Variants in SALL4 observed in about 807,000 individuals in gnomAD.
SALL4 encodes the protein sal-like protein 4.
In SALL4, 4 loss-of-function variants were observed where a neutral mutation model predicts 60.8. The observed-to-expected ratio is 0.07, with a 90% CI of 0.03 to 0.15. The LOEUF (loss-of-function observed/expected upper bound fraction) is 0.15. SALL4 is among the 10% of genes least tolerant of loss of function. The pLI, the probability that SALL4 is intolerant of heterozygous loss-of-function variation, is 1.00. For missense variants in SALL4, 1,178 were observed against 1,394.7 expected (o/e 0.84, Z 2.48); for synonymous variants, 580 against 574.9 (o/e 1.01, Z -0.13).
At chr20:51,789,269 A>G in intron 2 of SALL4, 128 bp from the exon 3 acceptor site, 1 of 940,036 alleles carries the variant, frequency 1.1e-6, no homozygotes. Flanking sequence ...TTTGTAAGTA[A>G]TTAACACCTT....
chr20:51,793,016 C>A, intron 1 of SALL4: 5 of 978,384 alleles, frequency 5.1e-6, no homozygotes, highest in Non-Finnish European at 6.1e-6. Context: ...CACGAGCATA[C>A]AATGATCTAG....
chr20:51,785,340 GTGATT>G (rs1280448108), intron 3 of SALL4, among the ~76,000 whole-genome samples: 4 of 152,272 alleles, frequency 2.6e-5, no homozygotes, highest in African/African-American at 9.6e-5. Context: ...CATAGCTCAT[GTGATT>G]GAGCATGTAC....
chr20:51,792,048 C>A lies in SALL4; in HGVS notation c.435G>T (p.Glu145Asp). The A allele has an allele frequency of 6.2e-7, 1 of 1,614,196 alleles. No homozygotes were observed. The highest frequency in any genetic ancestry group is 8.5e-7 in the Non-Finnish European group (1 of 1,180,044). The change falls in exon 2 of 4, where the codon GAG (glutamate) becomes GAT (aspartate). Residue 145 changes from glutamate (E) to aspartate (D), a missense_variant. Glu to Asp is a conservative substitution (Grantham distance 45, BLOSUM62 2). Around this residue, in one of 5 missense-constraint regions of SALL4, gnomAD observed 853 missense variants for 1,036.8 expected, o/e 0.82. Transcript: ENST00000217086. ...ACACCACAGACTCCGCATCCGGCTTCTCCTTCATGTCCTCTGAGCTGCCGC... is the reference window on the plus strand; with the variant it reads ...ACACCACAGACTCCGCATCCGGCTTATCCTTCATGTCCTCTGAGCTGCCGC... ...ENGGSSEDMK[E>D]KPDAESVVYL... is the part of the protein sequence containing the mutation.
rs2078005013 is a variant in SALL4 at position 51,788,039 on chromosome 20, G to A, written c.2742+822C>T. 6.6e-6 allele frequency among the ~76,000 whole-genome samples: 1 copy of A among 152,060 alleles called. No homozygotes were observed. Among genetic ancestry groups the A allele is most frequent in the Admixed American group, 6.6e-5 (1 of 15,262 alleles). On this transcript the variant is annotated intron_variant, in intron 3 of 3. Coordinates refer to ENST00000217086, the MANE Select transcript of SALL4 (RefSeq NM_020436.5). This position sits in a 1 kb window ranked among gnomAD's most constrained non-coding sequence, Gnocchi z 4.1. ...GGGTCTCCTTATGTTACCCAGGCTG[G>A]TCTCAAACTCCTGGGCTCAAGCAAT...
At chr20:51,797,365 G>C (rs2078084946) in intron 1 of SALL4, 1 of 152,024 alleles carries the variant, frequency 6.6e-6, no homozygotes, top group East Asian at 1.9e-4. Context: ...GCACAAAAAA[G>C]GTTAAGCTCC....
At chr20:51,790,000 G>A (rs1204004427) in intron 2 of SALL4, 22 bp downstream of exon 2, 8 of 1,613,982 alleles carry the variant, frequency 5.0e-6, no homozygotes, top group East Asian at 2.2e-5. Flanking sequence ...ATGGACATAA[G>A]TTAAATCCAA....
At chr20:51,799,027 C>A (rs1281015546) in intron 1 of SALL4, among the ~76,000 whole-genome samples, 1 of 152,120 alleles carries the variant, frequency 6.6e-6, no homozygotes, top group Non-Finnish European at 1.5e-5. Flanking sequence ...TCTTTAATAT[C>A]TTGAATTAAA....
chr20:51,802,086 A>G (rs1010164054), intron 1 of SALL4, among the ~76,000 whole-genome samples, 193 bp downstream of exon 1: 1 of 151,854 alleles, frequency 6.6e-6, no homozygotes, highest in Non-Finnish European at 1.5e-5. Context: ...GAGAAGAGGA[A>G]AAAAGTGTGA....
Position 51,790,564 on chromosome 20 carries a change from A to G in SALL4, c.1919T>C (p.Met640Thr). ...GTGCATCCGAATATGTTGCTGCAGC[A>G]TCACGGCATTAGTGAACTTCTTCTG... Reference protein sequence around the residue: ...ICQKKFTNAVMLQQHIRMHMG... With the variant: ...ICQKKFTNAVTLQQHIRMHMG... The change falls in exon 2 of 4, where the codon ATG (methionine) becomes ACG (threonine). Residue 640 changes from methionine to threonine, a missense_variant. This residue lies in a region of SALL4 where 853 missense variants were observed against 1,036.8 expected (regional missense o/e 0.82). Transcript: ENST00000217086. This position sits in a 1 kb window ranked among gnomAD's most constrained non-coding sequence, Gnocchi z 5.5. 6.2e-7 allele frequency: 1 copy of G among 1,614,234 alleles called. No individual in the cohort carries two copies. Among genetic ancestry groups the G allele is most frequent in the Non-Finnish European group, 8.5e-7 (1 of 1,180,046 alleles).
chr20:51,786,346 G>A (rs537089971), intron 3 of SALL4, among the ~76,000 whole-genome samples: 2 of 151,922 alleles, frequency 1.3e-5, no homozygotes, highest in Admixed American at 6.6e-5. Context: ...CGCCCACCTC[G>A]GCCTCCCAAA....
At chr20:51,797,078 A>G (rs550224138) in intron 1 of SALL4, among the ~76,000 whole-genome samples, 2 of 152,180 alleles carry the variant, frequency 1.3e-5, no homozygotes, top group East Asian at 1.9e-4. Context: ...CTTTCTTTCA[A>G]TGATGAATAT....
Position 51,790,068 on chromosome 20 carries a change from A to G in SALL4, c.2415T>C (p.Ala805=). The G allele has an allele frequency of 6.2e-7, 1 of 1,614,182 alleles. No individual in the cohort carries two copies. The highest frequency in any genetic ancestry group is 8.5e-7 in the Non-Finnish European group (1 of 1,180,042). ...AESIKSKSPD[A]GSKAESSENS... ...TCTCGGAGCTCTCTGCTTTGCTCCC[A>G]GCATCGGGAGACTTTGACTTGATGC... The change falls in exon 2 of 4, where the codon GCT becomes GCC. Residue 805 remains alanine (A), a synonymous_variant. Coordinates refer to ENST00000217086, the MANE Select transcript of SALL4 (RefSeq NM_020436.5). The surrounding 1 kb of genome is among the most constrained non-coding windows in gnomAD (Gnocchi z 5.5).
intron 2 of SALL4, among the ~76,000 whole-genome samples, chr20:51,789,619 G>A (rs17802747): frequency 0.088 from 13,358 of 152,064 alleles, 812 homozygotes; most frequent in Non-Finnish European, 0.13. Flanking sequence ...GGGAACCACG[G>A]CTTATTTCAG....
rs1288776323 is a variant in SALL4, at chr20:51,788,750, T to C, written c.2742+111A>G. 7.6e-7 allele frequency: 1 copy of C among 1,313,748 alleles called. No individual in the cohort carries two copies. The highest frequency in any genetic ancestry group is 2.3e-5 in the East Asian group (1 of 43,526). 81.4% of individuals were successfully genotyped at this position (1,313,748 alleles called of 1,614,324 possible). A position where few individuals can be genotyped will look rare whatever the true frequency, so the allele number is the denominator to read the frequency against. ...CCTGGACTCAAGCAATCCTCCCACC[T>C]CGGCCTCCCAAAGGAGGAATGGAAG... is the stretch of plus-strand genomic sequence containing the variant. On this transcript the variant is annotated intron_variant, in intron 3 of 3. Coordinates refer to ENST00000217086, the MANE Select transcript of SALL4 (RefSeq NM_020436.5). This position sits in a 1 kb window ranked among gnomAD's most constrained non-coding sequence, Gnocchi z 4.1.
At chr20:51,800,671 T>TA (rs1444840436) in intron 1 of SALL4, among the ~76,000 whole-genome samples, 1 of 151,884 alleles carries the variant, frequency 6.6e-6, no homozygotes, top group Non-Finnish European at 1.5e-5. Context: ...GGCTGAGGGT[T>TA]AACCCTTTTG....
At position 51,791,252 on chromosome 20, in the gene SALL4, C is replaced by A; in HGVS notation, c.1231G>T (p.Val411Leu). Residue 411 changes from valine to leucine, a missense_variant, in exon 2 of 4, where the codon GTG (valine) becomes TTG (leucine). Physicochemically the swap from Val to Leu is conservative, Grantham distance 32. Around this residue, in one of 5 missense-constraint regions of SALL4, gnomAD observed 853 missense variants for 1,036.8 expected, o/e 0.82. Coordinates refer to ENST00000217086, the MANE Select transcript of SALL4 (RefSeq NM_020436.5). The surrounding 1 kb of genome is among the most constrained non-coding windows in gnomAD (Gnocchi z 4.6). ...LRSHTGERPF[V>L]CSVCGHRFTT... ...AAGCGATGACCACAGACAGAGCACA[C>A]GAAGGGTCTCTCTCCAGTGTGGGAG... 1.2e-6 allele frequency: 2 copies of A among 1,614,054 alleles called. No individual in the cohort carries two copies. Among genetic ancestry groups the A allele is most frequent in the Non-Finnish European group, 8.5e-7 (1 of 1,180,032 alleles).
In SALL4 at chr20:51,802,290, G is replaced by A. The variant is rs201955525; in HGVS notation, c.119C>T (p.Ala40Val). The change falls in exon 1 of 4, where the codon GCG becomes GTG. Residue 40 changes from alanine (A) to valine (V), a missense_variant. Coordinates refer to ENST00000217086, the MANE Select transcript of SALL4 (RefSeq NM_020436.5). ...CCAGCCCCACTCACCCAGCTCCCCC[G>A]CCGCGGGCGCCGCTGGGGCCGCATC... ...FADAAPAAPA[A>V]GELGAPVNHP... 20 of 1,604,828 alleles carry A rather than the reference G, an allele frequency of 1.2e-5. No individual in the cohort carries two copies. The East Asian group carries it at 1.6e-4, about 13-fold the overall frequency.
In SALL4 at chr20:51,790,432, T is replaced by A; in HGVS notation, c.2051A>T (p.His684Leu). The stretch of plus-strand genomic sequence containing the variant: ...ATCGATGCTTTCGATGACATCATCA[T>A]GGCAGATAGCGCCGGTGCTGCCGTT... ...GENGSTGAICHDDVIESIDVE... is the reference protein window; with the variant it reads ...GENGSTGAICLDDVIESIDVE... Residue 684 changes from histidine to leucine, a missense_variant, in exon 2 of 4, where the codon CAT becomes CTT. By Grantham distance (99) the His-to-Leu change is moderately conservative. This residue lies in a region of SALL4 where 853 missense variants were observed against 1,036.8 expected (regional missense o/e 0.82). Transcript: ENST00000217086. The surrounding 1 kb of genome is among the most constrained non-coding windows in gnomAD (Gnocchi z 5.5). 1 of 1,614,090 alleles carries A rather than the reference T, an allele frequency of 6.2e-7. No homozygotes were observed. Among genetic ancestry groups the A allele is most frequent in the Non-Finnish European group, 8.5e-7 (1 of 1,180,028 alleles).
rs776239962 is a variant in SALL4 at position 51,791,252 on chromosome 20, C to T, written c.1231G>A (p.Val411Met). 8 of 1,613,936 alleles carry T rather than the reference C, an allele frequency of 5.0e-6. No individual in the cohort carries two copies. The African/African-American group carries it at 5.3e-5, about 11-fold the overall frequency. Residue 411 changes from valine to methionine, a missense_variant, in exon 2 of 4, where the codon GTG becomes ATG. By Grantham distance (21) the Val-to-Met change is conservative. This residue lies in a region of SALL4 where 853 missense variants were observed against 1,036.8 expected (regional missense o/e 0.82). Coordinates refer to ENST00000217086, the MANE Select transcript of SALL4 (RefSeq NM_020436.5). The surrounding 1 kb of genome is among the most constrained non-coding windows in gnomAD (Gnocchi z 4.6). ...LRSHTGERPF[V>M]CSVCGHRFTT... ...AAGCGATGACCACAGACAGAGCACA[C>T]GAAGGGTCTCTCTCCAGTGTGGGAG...
Sources: allele counts gnomAD v4.1 joint callset (sites outside exome capture counted in the v4.1 genomes callset), GRCh38; gene constraint gnomAD v4.1.1; regional missense constraint gnomAD v4.1.1; non-coding constraint Gnocchi (gnomAD v3.1); transcripts MANE v1.5; gene names NCBI Gene and HGNC (gene_info 2026-07-23, HGNC 2026-07-21).